Variants in NBPF11 observed in about 807,000 individuals in gnomAD.
NBPF11 encodes the protein NBPF family member NBPF11.
Under a neutral mutation model 93.9 loss-of-function variants are expected in NBPF11, and 72 were observed. That is an observed-to-expected ratio of 0.77 (90% CI 0.63 to 0.93). The LOEUF (loss-of-function observed/expected upper bound fraction) is 0.93, where lower values mean the gene tolerates loss of function less well. NBPF11 is among the 40% of genes least tolerant of loss of function. The pLI is 0.00. For missense variants in NBPF11, 705 were observed against 802.2 expected (o/e 0.88, Z 1.46); for synonymous variants, 224 against 304.9 (o/e 0.73, Z 2.76).
intron 9 of NBPF11, 71 bp downstream of exon 9, chr1:148,121,984 A>G: frequency 1.0e-6 from 1 of 962,558 alleles, no homozygotes. Flanking sequence ...ATGTGTATAT[A>G]CAGCCTGTCC....
Position 148,103,831 on chromosome 1 carries a change from C to T in NBPF11, c.*65G>A, listed in dbSNP as rs1448443050. On this transcript the variant is annotated 3_prime_UTR_variant, in exon 24 of 24. Coordinates refer to ENST00000682118, the MANE Select transcript of NBPF11 (RefSeq NM_001385469.3). ...GGAATGAGTCAGGTAGTTCAAAGTA[C>T]ATTGATGGAGTCGAATAATATCTAT... 1.1e-5 allele frequency: 17 copies of T among 1,611,454 alleles called. No individual in the cohort carries two copies. The highest frequency in any genetic ancestry group is 1.4e-5 in the Non-Finnish European group (16 of 1,179,452).
intron 8 of NBPF11, among the ~76,000 whole-genome samples, 170 bp downstream of exon 8, chr1:148,122,557 CAT>C (rs1325311813): frequency 6.6e-6 from 1 of 152,052 alleles, no homozygotes; most frequent in African/African-American, 2.4e-5. Context: ...ACTTGGCACA[CAT>C]AGAGAAACAC....
chr1:148,119,774 G>A (rs1667406497), intron 10 of NBPF11, among the ~76,000 whole-genome samples: 1 of 151,848 alleles, frequency 6.6e-6, no homozygotes. Context: ...TACTGCCTCA[G>A]CCTCCTGAGC....
chr1:148,133,492 C>T (rs1346279794), intron 4 of NBPF11, among the ~76,000 whole-genome samples: 1 of 152,038 alleles, frequency 6.6e-6, no homozygotes, highest in Non-Finnish European at 1.5e-5. Flanking sequence ...GTGTTGCCTT[C>T]TGTTCTCATC....
chr1:148,139,507 A>G (rs1368880089), intron 2 of NBPF11, among the ~76,000 whole-genome samples: 23 of 149,340 alleles, frequency 1.5e-4, no homozygotes, highest in African/African-American at 1.0e-4. Context: ...GTGACAAAAT[A>G]TGCTGAAGTA....
At position 148,125,889 on chromosome 1, in the gene NBPF11, C is replaced by A. The variant is rs1668993413; in HGVS notation, c.176-888G>T. On this transcript the variant is annotated intron_variant, in intron 5 of 23. Transcript: ENST00000682118. ...CACTGCACTGCTGCTTCCACACGTT[C>A]TCGGGTGTGATCTTTCTTCCTCTTT... is the stretch of plus-strand genomic sequence containing the variant. Among the ~76,000 whole-genome samples, 5 of 152,118 alleles carry A rather than the reference C, an allele frequency of 3.3e-5. No homozygotes were observed. In the South Asian group the frequency reaches 1.0e-3, roughly 32 times the overall value.
intron 15 of NBPF11, 99 bp downstream of exon 15, chr1:148,114,338 T>C (rs1665976982): frequency 1.6e-6 from 1 of 618,116 alleles, no homozygotes; most frequent in Non-Finnish European, 2.9e-6. Context: ...GCTGGGTGAA[T>C]GGAAGAAATA....
At chr1:148,139,924 G>A (rs1377309278) in intron 2 of NBPF11, among the ~76,000 whole-genome samples, 1 of 150,254 alleles carries the variant, frequency 6.7e-6, no homozygotes, top group Non-Finnish European at 1.5e-5. Context: ...AGACTAAGGG[G>A]GAATCTTACA....
chr1:148,122,198 G>A lies in NBPF11; in HGVS notation c.635C>T (p.Ser212Leu). The stretch of plus-strand genomic sequence containing the variant: ...GGAGTCACAAGGGCCGTGGCTATTT[G>A]AACAAGTGATGGCACATTCCTCCAG... Reference protein sequence around the residue: ...DSLEECAITCSNSHGPCDSIQ... With the variant: ...DSLEECAITCLNSHGPCDSIQ... Residue 212 changes from serine (S) to leucine (L), a missense_variant, in exon 9 of 24, where the codon TCA (serine) becomes TTA (leucine). By Grantham distance (145) the Ser-to-Leu change is moderately radical. Around this residue, in one of 12 missense-constraint regions of NBPF11, gnomAD observed 262 missense variants for 223.1 expected, o/e 1.17. Transcript: ENST00000682118. 6.2e-7 allele frequency: 1 copy of A among 1,612,632 alleles called. No homozygotes were observed. Among genetic ancestry groups the A allele is most frequent in the East Asian group, 2.2e-5 (1 of 44,870 alleles).
intron 11 of NBPF11, among the ~76,000 whole-genome samples, chr1:148,118,152 T>C (rs1177223800): frequency 6.9e-6 from 1 of 144,106 alleles, no homozygotes; most frequent in Non-Finnish European, 1.5e-5. Context: ...TACAAAGCCA[T>C]GTACAGAAAT....
intron 4 of NBPF11, among the ~76,000 whole-genome samples, chr1:148,129,346 G>C (rs1335848630): frequency 6.7e-6 from 1 of 149,310 alleles, no homozygotes; most frequent in Non-Finnish European, 1.5e-5. Flanking sequence ...AAGTGGCGGA[G>C]CGAGGGCTAC....
chr1:148,112,382 CTG>C (rs1665513584), intron 15 of NBPF11, among the ~76,000 whole-genome samples: 1 of 137,108 alleles, frequency 7.3e-6, no homozygotes, highest in Admixed American at 7.7e-5. Flanking sequence ...CAATTCCCAC[CTG>C]TGAGTAAGAA....
intron 4 of NBPF11, among the ~76,000 whole-genome samples, chr1:148,134,861 G>T (rs1558159870): frequency 6.6e-6 from 1 of 151,954 alleles, no homozygotes; most frequent in African/African-American, 2.4e-5. Flanking sequence ...AGAGTCAGGG[G>T]CAGCACCAGC....
rs1356925305 is a variant in NBPF11, at chr1:148,122,094, A to G, written c.739T>C (p.Ser247Pro). 33 of 1,612,734 alleles carry G rather than the reference A, an allele frequency of 2.0e-5. No individual in the cohort carries two copies. In the South Asian group the frequency reaches 3.5e-4, roughly 17 times the overall value. ...NSSLVVDRES[S>P]HDGCQDALNI... ...AGAGCATCCTGACATCCATCATGAG[A>G]GGATTCTCTGTCTACAACCAGAGAT... Residue 247 changes from serine (S) to proline (P), a missense_variant, in exon 9 of 24, where the codon TCT (serine) becomes CCT (proline). Ser to Pro is a moderately conservative substitution (Grantham distance 74). This residue lies in a region of NBPF11 where 262 missense variants were observed against 223.1 expected (regional missense o/e 1.17). Transcript: ENST00000682118.
chr1:148,121,230 G>C (rs1348117774), intron 9 of NBPF11, among the ~76,000 whole-genome samples: 2,062 of 151,786 alleles, frequency 0.014, 71 homozygotes, highest in African/African-American at 0.048. Flanking sequence ...TTTTAGTAGA[G>C]ATGGGGTTTC....
intron 2 of NBPF11, among the ~76,000 whole-genome samples, chr1:148,141,109 A>C (rs1368103724): frequency 6.6e-6 from 1 of 151,934 alleles, no homozygotes; most frequent in African/African-American, 2.4e-5. Context: ...AAAAAGATAG[A>C]AGTAGTAAAA....
chr1:148,106,559 C>T (rs1322894194), intron 20 of NBPF11, among the ~76,000 whole-genome samples: 3 of 139,432 alleles, frequency 2.2e-5, no homozygotes, highest in Non-Finnish European at 4.6e-5. Flanking sequence ...AAGTATTCAG[C>T]CCTGTCTCAT....
intron 4 of NBPF11, among the ~76,000 whole-genome samples, chr1:148,127,792 G>A (rs1270711059): frequency 2.8e-3 from 414 of 148,154 alleles, no homozygotes; most frequent in African/African-American, 9.8e-3. Flanking sequence ...ACAGGCGCCC[G>A]CCACCACGCC....
rs2149236380 is a variant in NBPF11, at chr1:148,122,298, A to C, written c.567-32T>G. 9.9e-6 allele frequency: 16 copies of C among 1,609,930 alleles called. No individual in the cohort carries two copies. In the East Asian group the frequency reaches 2.5e-4, roughly 25 times the overall value. On this transcript the variant is annotated intron_variant, in intron 8 of 23. Coordinates refer to ENST00000682118, the MANE Select transcript of NBPF11 (RefSeq NM_001385469.3). ...AGCCAGGTGGGACAGAGATGACAGAAGATTAAACACAGAGGGATTGGACCC... is the reference window on the plus strand; with the variant it reads ...AGCCAGGTGGGACAGAGATGACAGACGATTAAACACAGAGGGATTGGACCC...
Sources: allele counts gnomAD v4.1 joint callset (sites outside exome capture counted in the v4.1 genomes callset), GRCh38; gene constraint gnomAD v4.1.1; regional missense constraint gnomAD v4.1.1; transcripts MANE v1.5; gene names NCBI Gene and HGNC (gene_info 2026-07-23, HGNC 2026-07-21).